Variants in CHCHD3 observed in about 807,000 individuals in gnomAD.
CHCHD3 encodes MICOS complex subunit MIC19.
CHCHD3 carries 20 observed loss-of-function variants against 38.2 expected under a neutral mutation model. The observed-to-expected ratio is 0.52, with a 90% CI of 0.37 to 0.76. The LOEUF is 0.76. Among genes scored for constraint, CHCHD3 ranks in the 30% least tolerant of loss-of-function variants. The pLI is 0.00. For synonymous variants in CHCHD3, 82 were observed against 100.0 expected (o/e 0.82, Z 1.07); for missense variants, 245 against 279.2 (o/e 0.88, Z 0.87).
chr7:132,915,719 T>C (rs1345868308), intron 4 of CHCHD3, among the ~76,000 whole-genome samples: 2 of 152,188 alleles, frequency 1.3e-5, no homozygotes, highest in Non-Finnish European at 2.9e-5. Flanking sequence ...TCTTTTCTTC[T>C]CAAGATAATT....
chr7:132,891,571 C>T (rs1014765571), intron 4 of CHCHD3, among the ~76,000 whole-genome samples: 1 of 152,268 alleles, frequency 6.6e-6, no homozygotes, highest in South Asian at 2.1e-4. Context: ...TTGTCTTCCC[C>T]TTCTCAGAGT....
chr7:132,874,534 T>A (rs146010694), intron 5 of CHCHD3, among the ~76,000 whole-genome samples: 2 of 152,272 alleles, frequency 1.3e-5, no homozygotes, highest in East Asian at 3.9e-4. Context: ...GAGTAATTTA[T>A]CCAATTTAAT....
intron 6 of CHCHD3, chr7:132,813,361 T>C (rs1393347355): frequency 6.6e-6 from 1 of 152,246 alleles, no homozygotes; most frequent in African/African-American, 2.4e-5. Flanking sequence ...TTTACTGTGA[T>C]GGTTAAAAAC....
chr7:132,855,445 A>G (rs1330443788), intron 5 of CHCHD3, among the ~76,000 whole-genome samples: 1 of 152,236 alleles, frequency 6.6e-6, no homozygotes, highest in Non-Finnish European at 1.5e-5. Context: ...GGTGAACAGA[A>G]AAGTCAGTCT....
intron 4 of CHCHD3, among the ~76,000 whole-genome samples, chr7:132,923,443 G>A (rs1196783527): frequency 6.6e-6 from 1 of 152,102 alleles, no homozygotes; most frequent in Non-Finnish European, 1.5e-5. Context: ...CAAATATTCA[G>A]AGGGAAGAAA....
chr7:132,887,065 A>C (rs1163741658), intron 4 of CHCHD3: 28 of 696,356 alleles, frequency 4.0e-5, no homozygotes, highest in Non-Finnish European at 5.2e-5. Flanking sequence ...ACACACACAC[A>C]AAATCTGATG....
chr7:133,020,429 G>A (rs1029868677), intron 3 of CHCHD3, among the ~76,000 whole-genome samples: 64 of 152,108 alleles, frequency 4.2e-4, no homozygotes, highest in African/African-American at 1.5e-3. Context: ...ATTTTGAATG[G>A]AATCTAAAAG....
At chr7:132,973,075 G>T in intron 4 of CHCHD3, 2 of 985,356 alleles carry the variant, frequency 2.0e-6, no homozygotes, top group South Asian at 9.4e-5. Flanking sequence ...TGCTGAGTGT[G>T]TGTATATATT....
At chr7:132,858,943 C>T (rs1808414186) in intron 5 of CHCHD3, among the ~76,000 whole-genome samples, 1 of 152,138 alleles carries the variant, frequency 6.6e-6, no homozygotes, top group Non-Finnish European at 1.5e-5. Context: ...CTAAGGCCCT[C>T]CAAAATGAAA....
Position 132,913,675 on chromosome 7 carries a change from A to T in CHCHD3, c.370-27930T>A, listed in dbSNP as rs77302238. Among the ~76,000 whole-genome samples the T allele has an allele frequency of 4.0e-3, 611 of 152,332 alleles. 6 individuals carry two copies. The highest frequency in any genetic ancestry group is 0.014 in the African/African-American group (572 of 41,582). On this transcript the variant is annotated intron_variant, in intron 4 of 7. Transcript: ENST00000262570. ...TCTTACCACATCATGTCCAGGATGAACAAGTGTGGAGAATGAATGATAGCG... is the reference window on the plus strand; with the variant it reads ...TCTTACCACATCATGTCCAGGATGATCAAGTGTGGAGAATGAATGATAGCG...
intron 6 of CHCHD3, among the ~76,000 whole-genome samples, chr7:132,812,752 TG>T (rs1008977919): frequency 6.0e-4 from 92 of 152,288 alleles, no homozygotes; most frequent in African/African-American, 2.1e-3. Context: ...CTACCTCTCT[TG>T]GGATACATCC....
intron 4 of CHCHD3, among the ~76,000 whole-genome samples, chr7:132,942,889 T>TGCATCTGGTTTGCTGCAGG (rs1810802884): frequency 1.3e-5 from 2 of 152,158 alleles, no homozygotes; most frequent in Admixed American, 1.3e-4. Context: ...AGCCTACCAC[T>TGCATCTGGTTTGCTGCAGG]AGGTATCTGG....
At position 132,975,254 on chromosome 7, in the gene CHCHD3, C is replaced by T. The variant is rs1811733123; in HGVS notation, c.284G>A (p.Arg95Lys). 1.2e-6 allele frequency: 2 copies of T among 1,613,150 alleles called. No homozygotes were observed. The highest frequency in any genetic ancestry group is 1.7e-6 in the Non-Finnish European group (2 of 1,179,992). ...LKQAKELDRE[R>K]AAANEQLTRA... Reference sequence around the variant, plus strand: ...GGTTAACTGCTCATTGGCAGCAGCCCTCTCTCGGTCCAGCTCTTTGGCTTG... The same window carrying T: ...GGTTAACTGCTCATTGGCAGCAGCCTTCTCTCGGTCCAGCTCTTTGGCTTG... The change falls in exon 4 of 8, where the codon AGG (arginine) becomes AAG (lysine). Residue 95 changes from arginine to lysine, a missense_variant. Transcript: ENST00000262570.
intron 4 of CHCHD3, among the ~76,000 whole-genome samples, chr7:132,913,581 G>A (rs1810019875): frequency 1.3e-5 from 2 of 152,186 alleles, no homozygotes; most frequent in South Asian, 4.1e-4. Context: ...CATTGGCTAT[G>A]CCAAGAAAAA....
intron 3 of CHCHD3, among the ~76,000 whole-genome samples, chr7:132,976,559 T>G (rs930443264): frequency 6.6e-6 from 1 of 152,204 alleles, no homozygotes; most frequent in Admixed American, 6.5e-5. Flanking sequence ...ATTTTCTGAC[T>G]GCCTTTTCTT....
At position 133,036,088 on chromosome 7, in the gene CHCHD3, G is replaced by C. The variant is rs541045923; in HGVS notation, c.170-11461C>G. 450 of 670,366 alleles carry C rather than the reference G, an allele frequency of 6.7e-4. 2 individuals carry two copies. The South Asian group carries it at 7.6e-3, about 11-fold the overall frequency. The allele number at this position is 670,366 out of a possible 1,614,324, so 41.5% of individuals were successfully genotyped here. A position where few individuals can be genotyped will look rare whatever the true frequency, so the allele number is the denominator to read the frequency against. Reference sequence around the variant, plus strand: ...TCATAAAATAATTCGCTAGGCAATTGAGATTTCCTTTAGGGGAATTTTCTT... The same window carrying C: ...TCATAAAATAATTCGCTAGGCAATTCAGATTTCCTTTAGGGGAATTTTCTT... On this transcript the variant is annotated intron_variant, in intron 2 of 7. Transcript: ENST00000262570.
chr7:133,029,444 T>C (rs918223391), intron 2 of CHCHD3, among the ~76,000 whole-genome samples: 36 of 152,240 alleles, frequency 2.4e-4, no homozygotes, highest in African/African-American at 8.4e-4. Flanking sequence ...CTCTGCTTCC[T>C]AGAGCTCAAC....
chr7:132,907,675 C>G (rs912360264), intron 4 of CHCHD3, among the ~76,000 whole-genome samples: 35 of 151,940 alleles, frequency 2.3e-4, no homozygotes, highest in African/African-American at 8.2e-4. Flanking sequence ...CATGGGGGGG[C>G]CGCTAAAGGT....
intron 6 of CHCHD3, among the ~76,000 whole-genome samples, chr7:132,828,957 A>G (rs1390758323): frequency 6.6e-6 from 1 of 152,208 alleles, no homozygotes; most frequent in Non-Finnish European, 1.5e-5. Flanking sequence ...TTTAAATTCT[A>G]CCTTCTAGAA....
Sources: gnomAD v4.1 joint callset for allele counts (sites outside exome capture counted in the v4.1 genomes callset) on GRCh38, gnomAD v4.1.1 for gene constraint, MANE v1.5 for transcripts, NCBI Gene and HGNC (gene_info 2026-07-23, HGNC 2026-07-21) for gene names.